Variants in NEBL observed in about 807,000 individuals in gnomAD.
NEBL encodes the protein LIM and SH3 protein 2.
Under a neutral mutation model 140.2 loss-of-function variants are expected in NEBL, and 122 were observed. The observed-to-expected ratio is 0.87, with a 90% confidence interval of 0.75 to 1.01. The LOEUF (loss-of-function observed/expected upper bound fraction) is 1.01, where lower values mean the gene tolerates loss of function less well. Among genes scored for constraint, NEBL ranks in the 50% least tolerant of loss-of-function variants. The pLI, the probability that NEBL is intolerant of heterozygous loss-of-function variation, is 0.00. For missense variants in NEBL, 1,365 were observed against 1,231.3 expected (o/e 1.11, Z -1.62); for synonymous variants, 436 against 398.9 (o/e 1.09, Z -1.11).
intron 3 of NEBL, chr10:21,020,113 T>C: frequency 1.2e-6 from 2 of 1,611,542 alleles, no homozygotes; most frequent in Non-Finnish European, 1.7e-6. Flanking sequence ...CTTCTAGAAG[T>C]TACCTGACTC....
intron 4 of NEBL, among the ~76,000 whole-genome samples, chr10:20,911,339 A>T (rs1009985375): frequency 1.3e-5 from 2 of 152,174 alleles, no homozygotes; most frequent in Non-Finnish European, 2.9e-5. Flanking sequence ...TTCTATGTTG[A>T]TGTATACACC....
chr10:21,125,345 A>G (rs1838774101), intron 2 of NEBL, among the ~76,000 whole-genome samples: 1 of 152,154 alleles, frequency 6.6e-6, no homozygotes, highest in Admixed American at 6.5e-5. Flanking sequence ...TTTTTACATC[A>G]TAAGACTCCT....
At chr10:21,223,413 G>A (rs565756071) in intron 3 of NEBL, among the ~76,000 whole-genome samples, 1 of 152,174 alleles carries the variant, frequency 6.6e-6, no homozygotes, top group Non-Finnish European at 1.5e-5. Flanking sequence ...GTATTCCATT[G>A]TATATATGTA....
chr10:21,195,400 G>A (rs987003046), intron 3 of NEBL, among the ~76,000 whole-genome samples: 3 of 152,180 alleles, frequency 2.0e-5, no homozygotes, highest in African/African-American at 7.2e-5. Flanking sequence ...TCAGGGTGAT[G>A]TTCAGCCTAA....
At position 20,868,583 on chromosome 10, in the gene NEBL, T is replaced by C. The variant is rs1844563550; in HGVS notation, c.684+81A>G. 11 of 955,718 alleles carry C rather than the reference T, an allele frequency of 1.2e-5. No homozygotes were observed. The South Asian group carries it at 1.4e-4, about 12-fold the overall frequency. 59.2% of individuals were successfully genotyped at this position (955,718 alleles called of 1,614,324 possible). ...TTTATTCTTGCAATTAAAGATATTA[T>C]CTAAAATGCAATATTCTCCTGTGCT... is the stretch of plus-strand genomic sequence containing the variant. On this transcript the variant is annotated intron_variant, in intron 7 of 27. Coordinates refer to ENST00000377122, the MANE Select transcript of NEBL (RefSeq NM_006393.3).
intron 3 of NEBL, among the ~76,000 whole-genome samples, chr10:20,977,619 G>C (rs1836857316): frequency 6.6e-6 from 1 of 152,056 alleles, no homozygotes; most frequent in African/African-American, 2.4e-5. Context: ...AAATCCAATT[G>C]GTACTCAAAT....
At chr10:20,803,211 T>C (rs1837285378) in intron 26 of NEBL, among the ~76,000 whole-genome samples, 1 of 152,174 alleles carries the variant, frequency 6.6e-6, no homozygotes, top group Admixed American at 6.6e-5. Flanking sequence ...AGGATGACTA[T>C]AGTTAGCAAG....
At chr10:21,195,820 A>G (rs1170745156) in intron 3 of NEBL, among the ~76,000 whole-genome samples, 1 of 152,202 alleles carries the variant, frequency 6.6e-6, no homozygotes, top group East Asian at 1.9e-4. Context: ...ACTACAATCC[A>G]ACAGAAATAT....
Position 20,782,468 on chromosome 10 carries a change from A to C in NEBL, c.*3279T>G, listed in dbSNP as rs771254561. The C allele has an allele frequency of 1.0e-4, 16 of 152,554 alleles. No homozygotes were observed. The highest frequency in any genetic ancestry group is 1.9e-4 in the Non-Finnish European group (13 of 68,030). The allele number at this position is 152,554 out of a possible 1,614,324, so 9.5% of individuals were successfully genotyped here. A position where few individuals can be genotyped will look rare whatever the true frequency, so the allele number is the denominator to read the frequency against. ...TCCCTTGAACTTCCACTATCTTTTTAGAAAAAGTCTTGTTCCTCATTCCCA... is the reference window on the plus strand; with the variant it reads ...TCCCTTGAACTTCCACTATCTTTTTCGAAAAAGTCTTGTTCCTCATTCCCA... On this transcript the variant is annotated 3_prime_UTR_variant, in exon 28 of 28. Coordinates refer to ENST00000377122, the MANE Select transcript of NEBL (RefSeq NM_006393.3).
intron 4 of NEBL, among the ~76,000 whole-genome samples, chr10:20,953,576 A>G (rs144765263): frequency 1.3e-3 from 201 of 149,468 alleles, no homozygotes; most frequent in African/African-American, 4.5e-3. Flanking sequence ...TGATATATTA[A>G]GATAGGGGAA....
At chr10:21,280,619 CTTTTTTTT>C (rs554320752) in intron 1 of NEBL, among the ~76,000 whole-genome samples, 1 of 98,134 alleles carries the variant, frequency 1.0e-5, no homozygotes, top group Non-Finnish European at 1.9e-5. Flanking sequence ...TTTCTTTTTC[CTTTTTTTT>C]TTTTTTTTTT....
intron 2 of NEBL, among the ~76,000 whole-genome samples, chr10:21,167,926 A>T (rs1979487): frequency 0.15 from 23,161 of 152,176 alleles, 1,799 homozygotes; most frequent in East Asian, 0.23. Flanking sequence ...ATAAAAGCTT[A>T]TGAAAACATG....
At chr10:20,976,854 AG>A (rs1209343953) in intron 3 of NEBL, among the ~76,000 whole-genome samples, 2 of 151,798 alleles carry the variant, frequency 1.3e-5, no homozygotes, top group Non-Finnish European at 2.9e-5. Context: ...CAACATTAGA[AG>A]GCCAAACCTC....
At chr10:20,889,341 T>C in intron 3 of NEBL, among the ~76,000 whole-genome samples, 1 of 152,234 alleles carries the variant, frequency 6.6e-6, no homozygotes, top group East Asian at 1.9e-4. Flanking sequence ...TTCCTCAGTC[T>C]GTGATTTTAT....
At chr10:21,103,464 T>C (rs1413426965) in intron 2 of NEBL, among the ~76,000 whole-genome samples, 2 of 152,138 alleles carry the variant, frequency 1.3e-5, no homozygotes, top group Non-Finnish European at 2.9e-5. Context: ...CCGCCCACCT[T>C]GGCCTCCCAA....
intron 4 of NEBL, among the ~76,000 whole-genome samples, chr10:20,934,659 TC>T (rs1411221724): frequency 2.0e-5 from 3 of 152,070 alleles, no homozygotes; most frequent in Non-Finnish European, 4.4e-5. Flanking sequence ...GGGGCCTGGA[TC>T]CCTGAATGAC....
At chr10:21,235,450 G>A (rs1842335472) in intron 3 of NEBL, among the ~76,000 whole-genome samples, 1 of 152,154 alleles carries the variant, frequency 6.6e-6, no homozygotes, top group South Asian at 2.1e-4. Context: ...TAGTAGCTGG[G>A]ACTACAGGTG....
At chr10:20,890,816 C>G (rs1316271543) in intron 2 of NEBL, among the ~76,000 whole-genome samples, 1 of 152,226 alleles carries the variant, frequency 6.6e-6, no homozygotes, top group African/African-American at 2.4e-5. Flanking sequence ...TATAATCACA[C>G]TGTCACACTA....
chr10:21,028,211 A>C (rs1237352722), intron 2 of NEBL, among the ~76,000 whole-genome samples: 1 of 141,810 alleles, frequency 7.1e-6, no homozygotes. Context: ...TGGCCAACAG[A>C]GCGAGACTCC....
Sources: allele counts gnomAD v4.1 joint callset (sites outside exome capture counted in the v4.1 genomes callset), GRCh38; gene constraint gnomAD v4.1.1; transcripts MANE v1.5; gene names NCBI Gene and HGNC (gene_info 2026-07-23, HGNC 2026-07-21).